The following DNMT3A variants were observed in gnomAD, a reference collection of about 807,000 sequenced individuals.
DNMT3A encodes the protein DNA methyltransferase 3 alpha.
DNMT3A carries 267 observed loss-of-function variants against 117.6 expected under a neutral mutation model. The ratio of observed to expected loss-of-function variants is 2.27; its 90% CI spans 2.05 to 2.51. DNMT3A has a LOEUF of 2.51. Ranked by LOEUF, DNMT3A falls within the 30% of genes most tolerant of loss-of-function variation. DNMT3A has a pLI of 0.00. For synonymous variants in DNMT3A, 432 were observed against 474.8 expected (o/e 0.91, Z 1.17); for missense variants, 1,029 against 1,260.2 (o/e 0.82, Z 2.78).
intron 3 of DNMT3A, among the ~76,000 whole-genome samples, chr2:25,289,418 A>G (rs1460315597): frequency 6.6e-6 from 1 of 152,176 alleles, no homozygotes; most frequent in Non-Finnish European, 1.5e-5. Context: ...TTAACTTTGT[A>G]GGCCTCTCCA....
intron 1 of DNMT3A, among the ~76,000 whole-genome samples, chr2:25,328,968 C>A (rs1410054687): frequency 2.0e-5 from 3 of 152,170 alleles, no homozygotes; most frequent in Admixed American, 6.5e-5. Flanking sequence ...GTCCCCCAAC[C>A]CCACTTCCTA....
At chr2:25,266,319 A>T (rs1227195670) in intron 6 of DNMT3A, among the ~76,000 whole-genome samples, 1 of 152,236 alleles carries the variant, frequency 6.6e-6, no homozygotes, top group African/African-American at 2.4e-5. Flanking sequence ...AGGTAGGGCA[A>T]ATAAGTGAGG....
chr2:25,286,721 T>C lies in DNMT3A; in HGVS notation c.178-4010A>G, dbSNP rs2032335197. 6.6e-6 allele frequency among the ~76,000 whole-genome samples: 1 copy of C among 152,218 alleles called. No individual in the cohort carries two copies. The highest frequency in any genetic ancestry group is 6.5e-5 in the Admixed American group (1 of 15,284). The stretch of plus-strand genomic sequence containing the variant: ...TCCCAGTCAAATGGCCTGAAGCAAC[T>C]GTCCAAGTCTCTGGGGAAGAGCTGG... On this transcript the variant is annotated intron_variant, in intron 3 of 22. Transcript: ENST00000321117. This position sits in a 1 kb window ranked among gnomAD's most constrained non-coding sequence, Gnocchi z 4.3.
rs1313877118 is a variant in DNMT3A at position 25,231,939 on chromosome 2, C to T, written c.*2340G>A. ...CCTGGGAGAAGAGTGCTGGGAGCCCCCTGGCGTGTGTGTGTGTGTGTGAGT... is the reference window on the plus strand; with the variant it reads ...CCTGGGAGAAGAGTGCTGGGAGCCCTCTGGCGTGTGTGTGTGTGTGTGAGT... On this transcript the variant is annotated 3_prime_UTR_variant, in exon 23 of 23. Transcript: ENST00000321117. 6.6e-6 allele frequency: 1 copy of T among 152,406 alleles called. No homozygotes were observed. The highest frequency in any genetic ancestry group is 1.5e-5 in the Non-Finnish European group (1 of 68,268). The allele number at this position is 152,406 out of a possible 1,614,324, so 9.4% of individuals were successfully genotyped here. A position where few individuals can be genotyped will look rare whatever the true frequency, so the allele number is the denominator to read the frequency against.
intron 2 of DNMT3A, among the ~76,000 whole-genome samples, chr2:25,300,765 AT>A (rs1312047547): frequency 2.5e-4 from 18 of 73,112 alleles, no homozygotes; most frequent in Non-Finnish European, 3.3e-4. Flanking sequence ...ATATATATAT[AT>A]ATAAATAATA....
Position 25,294,710 on chromosome 2 carries a change from CTT to C in DNMT3A, c.177+5427_177+5428del, listed in dbSNP as rs2032987966. On this transcript the variant is annotated intron_variant, in intron 3 of 22. Coordinates refer to ENST00000321117, the MANE Select transcript of DNMT3A (RefSeq NM_022552.5). This position sits in a 1 kb window ranked among gnomAD's most constrained non-coding sequence, Gnocchi z 4.7. ...GCTGCCATAAGCTGTACCTAGCTGA[CTT>C]TTGCCTGCAGCAGAATGGTTCCCTG... 6.6e-6 allele frequency among the ~76,000 whole-genome samples: 1 copy of C among 152,226 alleles called. No individual in the cohort carries two copies. The highest frequency in any genetic ancestry group is 2.1e-4 in the South Asian group (1 of 4,838).
chr2:25,283,488 G>T (rs1364540559), intron 3 of DNMT3A, among the ~76,000 whole-genome samples: 1 of 151,972 alleles, frequency 6.6e-6, no homozygotes, highest in Non-Finnish European at 1.5e-5. Flanking sequence ...TCTGTGGTCA[G>T]TGCCCTCCCA....
At position 25,327,655 on chromosome 2, in the gene DNMT3A, C is replaced by T. The variant is rs1435900463; in HGVS notation, c.-177-13494G>A. Among the ~76,000 whole-genome samples, 4 of 152,208 alleles carry T rather than the reference C, an allele frequency of 2.6e-5. No individual in the cohort carries two copies. In the East Asian group the frequency reaches 7.7e-4, roughly 29 times the overall value. ...TCTACCTTCAGCTTCTCTCTAAATG[C>T]TCTTCCTCTAAGACACCTGGGCATA... On this transcript the variant is annotated intron_variant, in intron 1 of 22. Coordinates refer to ENST00000321117, the MANE Select transcript of DNMT3A (RefSeq NM_022552.5). This position sits in a 1 kb window ranked among gnomAD's most constrained non-coding sequence, Gnocchi z 4.1.
intron 4 of DNMT3A, among the ~76,000 whole-genome samples, chr2:25,279,938 G>A (rs1169861695): frequency 2.0e-5 from 3 of 152,024 alleles, no homozygotes; most frequent in Admixed American, 6.6e-5. Context: ...TCATCTGCCC[G>A]CCTGGGCCTC....
At chr2:25,280,462 T>A (rs893169659) in intron 4 of DNMT3A, among the ~76,000 whole-genome samples, 3 of 151,994 alleles carry the variant, frequency 2.0e-5, no homozygotes, top group African/African-American at 7.3e-5. Flanking sequence ...CCCTCCCACC[T>A]GGGAGCCTTC....
At position 25,239,113 on chromosome 2, in the gene DNMT3A, CAGG is replaced by C; in HGVS notation, c.2408+14_2408+16del. The C allele has an allele frequency of 6.2e-7, 1 of 1,613,110 alleles. No homozygotes were observed. ...GTCCCAGCCCACAGCCCCCCAGGCC[CAGG>C]AGCTTTCACCAACCTGTTCATACCG... is the stretch of plus-strand genomic sequence containing the variant. On this transcript the variant is annotated intron_variant, in intron 20 of 22. Coordinates refer to ENST00000321117, the MANE Select transcript of DNMT3A (RefSeq NM_022552.5).
chr2:25,256,369 T>C (rs538840541), intron 6 of DNMT3A, among the ~76,000 whole-genome samples: 97 of 152,216 alleles, frequency 6.4e-4, no homozygotes, highest in African/African-American at 2.1e-3. Context: ...CCTGGAAGGT[T>C]CCTCCCCTTC....
At chr2:25,308,968 TAC>T (rs10628428) in intron 2 of DNMT3A, among the ~76,000 whole-genome samples, 588 of 143,856 alleles carry the variant, frequency 4.1e-3, no homozygotes, top group Middle Eastern at 7.0e-3. Context: ...CACAGATGCA[TAC>T]ACACACACAC....
intron 6 of DNMT3A, among the ~76,000 whole-genome samples, chr2:25,256,945 A>C (rs1016756273): frequency 3.3e-5 from 5 of 152,204 alleles, no homozygotes; most frequent in African/African-American, 1.2e-4. Context: ...AAATGAACTG[A>C]ATGCAGTGTT....
At chr2:25,297,343 T>C (rs2033150344) in intron 3 of DNMT3A, among the ~76,000 whole-genome samples, 1 of 152,108 alleles carries the variant, frequency 6.6e-6, no homozygotes, top group South Asian at 2.1e-4. Context: ...AACCTAGGAC[T>C]TGGGCTAGAA....
At chr2:25,318,448 G>A (rs1055016479) in intron 1 of DNMT3A, among the ~76,000 whole-genome samples, 6 of 151,914 alleles carry the variant, frequency 3.9e-5, no homozygotes, top group African/African-American at 1.5e-4. Context: ...CACCACTCCC[G>A]GCTAATTCTT....
In DNMT3A at chr2:25,230,304, G is replaced by T. The variant is rs765924042; in HGVS notation, c.*3975C>A. The T allele has an allele frequency of 6.6e-6, 1 of 152,220 alleles. No homozygotes were observed. The highest frequency in any genetic ancestry group is 1.5e-5 in the Non-Finnish European group (1 of 68,056). 9.4% of individuals were successfully genotyped at this position (152,220 alleles called of 1,614,324 possible). A position where few individuals can be genotyped will look rare whatever the true frequency, so the allele number is the denominator to read the frequency against. Reference sequence around the variant, plus strand: ...GTGGGGCGGGGGGTTAGTACCAGCCGCCTGCTGGAAACTAGCTTCCTGCTT... The same window carrying T: ...GTGGGGCGGGGGGTTAGTACCAGCCTCCTGCTGGAAACTAGCTTCCTGCTT... On this transcript the variant is annotated 3_prime_UTR_variant, in exon 23 of 23. Transcript: ENST00000321117.
At chr2:25,265,264 C>T (rs895783635) in intron 6 of DNMT3A, among the ~76,000 whole-genome samples, 2 of 152,198 alleles carry the variant, frequency 1.3e-5, no homozygotes, top group Non-Finnish European at 2.9e-5. Flanking sequence ...AGGCCGGGGG[C>T]GGGAAGAGCA....
rs2033071621 is a variant in DNMT3A, at chr2:25,296,115, CA to C, written c.177+4023del. ...TCAGTTCTGTACCGACAGGTGACAA[CA>C]AATGCTTCTCAAAGTGAGGTCTGCA... On this transcript the variant is annotated intron_variant, in intron 3 of 22. Coordinates refer to ENST00000321117, the MANE Select transcript of DNMT3A (RefSeq NM_022552.5). The surrounding 1 kb of genome is among the most constrained non-coding windows in gnomAD (Gnocchi z 4.2). 6.6e-6 allele frequency among the ~76,000 whole-genome samples: 1 copy of C among 152,246 alleles called. No individual in the cohort carries two copies. Among genetic ancestry groups the C allele is most frequent in the South Asian group, 2.1e-4 (1 of 4,834 alleles).
Sources: gnomAD v4.1 joint callset for allele counts (sites outside exome capture counted in the v4.1 genomes callset) on GRCh38, gnomAD v4.1.1 for gene constraint, Gnocchi (gnomAD v3.1) non-coding constraint, MANE v1.5 for transcripts, NCBI Gene and HGNC (gene_info 2026-07-23, HGNC 2026-07-21) for gene names.